The following TOM1 variants were observed in gnomAD, a reference collection of about 807,000 sequenced individuals.
TOM1 encodes target of myb1 membrane trafficking protein.
A neutral mutation model predicts 61.3 loss-of-function variants in TOM1; 38 were observed. The observed-to-expected ratio is 0.62, with a 90% CI of 0.48 to 0.81. TOM1 has a LOEUF of 0.81. Ranked by LOEUF, TOM1 falls within the 40% of genes least tolerant of loss-of-function variation. The pLI is 0.00. For missense variants in TOM1, 591 were observed against 659.6 expected (o/e 0.90, Z 1.14); for synonymous variants, 270 against 268.8 (o/e 1.00, Z -0.04).
chr22:35,342,003 C>T (rs953898206), intron 12 of TOM1, among the ~76,000 whole-genome samples: 6 of 151,984 alleles, frequency 3.9e-5, no homozygotes, highest in African/African-American at 9.7e-5. Context: ...AAACCAGGCG[C>T]GGTGGCAGGT....
chr22:35,299,549 T>C (rs77509118), upstream of TOM1: 9,586 of 265,272 alleles, frequency 0.036, 206 homozygotes, highest in East Asian at 0.075. Context: ...ACCCTAAGAG[T>C]CTCGGCTTCT....
intron 1 of TOM1, among the ~76,000 whole-genome samples, chr22:35,305,268 A>G (rs892796935): frequency 6.6e-6 from 1 of 152,230 alleles, no homozygotes; most frequent in Non-Finnish European, 1.5e-5. Flanking sequence ...TTGGCAACAC[A>G]GAGGTGCTGT....
intron 1 of TOM1, among the ~76,000 whole-genome samples, chr22:35,304,123 C>T (rs1049982952): frequency 1.4e-4 from 21 of 152,262 alleles, no homozygotes; most frequent in East Asian, 5.8e-4. Context: ...GAGAAAGCAT[C>T]GCTTTCCAGG....
intron 6 of TOM1, among the ~76,000 whole-genome samples, chr22:35,324,238 C>G (rs926263756): frequency 6.6e-6 from 1 of 152,116 alleles, no homozygotes; most frequent in Non-Finnish European, 1.5e-5. Flanking sequence ...GTGTCCTGTA[C>G]GCAGCCCCTT....
intron 12 of TOM1, among the ~76,000 whole-genome samples, chr22:35,343,715 C>T (rs912945283): frequency 3.8e-5 from 4 of 105,460 alleles, no homozygotes; most frequent in African/African-American, 1.3e-4. Context: ...ACACACACAC[C>T]ACACACACAT....
At chr22:35,341,030 C>A (rs1929835214) in intron 12 of TOM1, among the ~76,000 whole-genome samples, 1 of 152,220 alleles carries the variant, frequency 6.6e-6, no homozygotes, top group Non-Finnish European at 1.5e-5. Context: ...GCACATTGCA[C>A]ACCCGTGTCA....
chr22:35,314,881 C>T (rs767820552), intron 1 of TOM1, among the ~76,000 whole-genome samples: 1 of 152,264 alleles, frequency 6.6e-6, no homozygotes, highest in Non-Finnish European at 1.5e-5. Flanking sequence ...TCAGTTTCCT[C>T]ATGAGATGAG....
intron 8 of TOM1, among the ~76,000 whole-genome samples, chr22:35,330,724 CCTGGGAGATGGTCA>C (rs1461703339): frequency 4.6e-5 from 7 of 152,210 alleles, no homozygotes; most frequent in Non-Finnish European, 7.3e-5. Flanking sequence ...CAAGTCCAGC[CCTGGGAGATGGTCA>C]CAGGTCACAG....
intron 12 of TOM1, chr22:35,345,460 G>A (rs1303988923): frequency 5.3e-6 from 3 of 563,318 alleles, no homozygotes; most frequent in Non-Finnish European, 9.6e-6. Flanking sequence ...CGGAACTGGG[G>A]TTCTTCTCTT....
chr22:35,347,137 G>C lies in TOM1; in HGVS notation c.1407G>C (p.Pro469=). The C allele has an allele frequency of 6.2e-7, 1 of 1,613,502 alleles. No homozygotes were observed. Among genetic ancestry groups the C allele is most frequent in the South Asian group, 1.1e-5 (1 of 91,056 alleles). ...CCAGCCCCTCAGCTGAGGGGCCCCCGGGTCCCCCATCTGGCCCAGCGCCCC... is the reference window on the plus strand; with the variant it reads ...CCAGCCCCTCAGCTGAGGGGCCCCCCGGTCCCCCATCTGGCCCAGCGCCCC... ...NLSSPSAEGP[P]GPPSGPAPRK... The change falls in exon 15 of 15, where the codon CCG becomes CCC. Residue 469 remains proline (P), a synonymous_variant. Transcript: ENST00000449058.
chr22:35,306,135 C>A (rs948980918), intron 1 of TOM1, among the ~76,000 whole-genome samples: 2 of 128,148 alleles, frequency 1.6e-5, no homozygotes, highest in African/African-American at 2.5e-5. Context: ...AAATATTATT[C>A]TTCTTCAGCT....
intron 11 of TOM1, among the ~76,000 whole-genome samples, chr22:35,338,040 C>G (rs1310831379): frequency 6.6e-6 from 1 of 152,200 alleles, no homozygotes; most frequent in Non-Finnish European, 1.5e-5. Context: ...ACATACCCTT[C>G]CTTGCCTCTC....
intron 8 of TOM1, among the ~76,000 whole-genome samples, chr22:35,331,654 C>G (rs1452085721): frequency 3.3e-5 from 5 of 152,040 alleles, no homozygotes; most frequent in African/African-American, 1.2e-4. Flanking sequence ...GAGGCTGAGC[C>G]GGGAGGATCA....
At chr22:35,315,188 G>GC (rs1447931607) in intron 1 of TOM1, among the ~76,000 whole-genome samples, 3 of 152,144 alleles carry the variant, frequency 2.0e-5, no homozygotes, top group Admixed American at 2.0e-4. Flanking sequence ...TGGTGGCCGG[G>GC]CTGGGGCAGG....
chr22:35,325,278 A>T (rs901794738), intron 6 of TOM1, among the ~76,000 whole-genome samples: 1 of 152,210 alleles, frequency 6.6e-6, no homozygotes, highest in Non-Finnish European at 1.5e-5. Context: ...CCCACTGCCC[A>T]CTTTTTGTAT....
intron 12 of TOM1, among the ~76,000 whole-genome samples, chr22:35,342,258 T>C (rs1192958304): frequency 3.9e-5 from 6 of 152,018 alleles, no homozygotes; most frequent in Admixed American, 3.9e-4. Flanking sequence ...TGTGCCAGGT[T>C]TTAGTTCCTT....
At chr22:35,328,522 A>G (rs1000142057) in intron 7 of TOM1, among the ~76,000 whole-genome samples, 1 of 152,212 alleles carries the variant, frequency 6.6e-6, no homozygotes, top group Non-Finnish European at 1.5e-5. Context: ...TAAGTAGCAG[A>G]GCTGCGATTT....
At chr22:35,339,937 G>C (rs527321630) in intron 12 of TOM1, among the ~76,000 whole-genome samples, 1 of 152,124 alleles carries the variant, frequency 6.6e-6, no homozygotes, top group Non-Finnish European at 1.5e-5. Context: ...CTAAAGCAGC[G>C]GGGAGAAATG....
chr22:35,321,459 C>T (rs189780839), intron 2 of TOM1, among the ~76,000 whole-genome samples: 154 of 152,018 alleles, frequency 1.0e-3, no homozygotes, highest in Non-Finnish European at 1.8e-3. Context: ...AGTACAGTGG[C>T]GTAATCTCGG....
Sources: gnomAD v4.1 joint callset for allele counts (sites outside exome capture counted in the v4.1 genomes callset) on GRCh38, gnomAD v4.1.1 for gene constraint, MANE v1.5 for transcripts, NCBI Gene and HGNC (gene_info 2026-07-23, HGNC 2026-07-21) for gene names.